Variants in SHOX observed in about 807,000 individuals in gnomAD.
SHOX encodes the protein SHOX homeobox, also known as short stature homeobox protein.
A neutral mutation model predicts 29.6 loss-of-function variants in SHOX; 12 were observed. The observed-to-expected ratio is 0.41, with a 90% CI of 0.26 to 0.66. SHOX has a LOEUF of 0.66. SHOX is among the 30% of genes least tolerant of loss of function. The pLI, the probability that SHOX is intolerant of heterozygous loss-of-function variation, is 0.35. For synonymous variants in SHOX, 214 were observed against 200.6 expected, an observed-to-expected ratio of 1.07 and a Z score of -0.57; for missense variants, 499 against 437.7, an observed-to-expected ratio of 1.14 and a Z score of -1.25.
Position 642,618 on chromosome X carries a change from C to G in SHOX, c.633+1531C>G, listed in dbSNP as rs1423170846. Among the ~76,000 whole-genome samples, 5 of 152,194 alleles carry G rather than the reference C, an allele frequency of 3.3e-5. No homozygotes were observed. In the East Asian group the frequency reaches 5.8e-4, roughly 18 times the overall value. The stretch of plus-strand genomic sequence containing the variant: ...TGGGGGAACGAGCCTACTTCTTGTA[C>G]CGTCTTTTGCCGACGGCGGGACCCA... On this transcript the variant is annotated intron_variant, in intron 4 of 4. Coordinates refer to ENST00000686671, the MANE Select transcript of SHOX (RefSeq NM_000451.4).
chrX:637,427 C>T (rs990911620), intron 2 of SHOX, among the ~76,000 whole-genome samples: 2 of 151,598 alleles, frequency 1.3e-5, no homozygotes, highest in East Asian at 3.9e-4. Context: ...CTATTACCGA[C>T]GAGAGCACGT....
rs138998412 is a variant in SHOX, at chrX:641,000, C to T, written c.546C>T (p.Gly182=). 3.0e-5 allele frequency: 48 copies of T among 1,613,682 alleles called. No homozygotes were observed. Among genetic ancestry groups the T allele is most frequent in the East Asian group, 6.7e-5 (3 of 44,882 alleles). The change falls in exon 4 of 5, where the codon GGC becomes GGT. Residue 182 remains glycine (G), a splice_region_variant and synonymous_variant. Transcript: ENST00000686671. Reference sequence around the variant, plus strand: ...GACACCTGCTCCCTTTGGACACAGGCGTCATCTTGGGCACAGCCAACCACC... The same window carrying T: ...GACACCTGCTCCCTTTGGACACAGGTGTCATCTTGGGCACAGCCAACCACC... The part of the protein sequence containing the change: ...CRKQENQMHK[G]VILGTANHLD...
intron 1 of SHOX, among the ~76,000 whole-genome samples, chrX:633,008 G>A (rs1377879331): frequency 6.6e-6 from 1 of 152,136 alleles, no homozygotes; most frequent in Non-Finnish European, 1.5e-5. Flanking sequence ...GAAAGTGAGA[G>A]GAAAATAAAG....
intron 1 of SHOX, among the ~76,000 whole-genome samples, chrX:634,169 C>T (rs1354280256): frequency 6.6e-6 from 1 of 152,200 alleles, no homozygotes. Context: ...TCCTGCGCTG[C>T]AGCGGTGGGG....
At chrX:652,624 G>A (rs1425833560), downstream of SHOX, among the ~76,000 whole-genome samples, 3 of 152,132 alleles carry the variant, frequency 2.0e-5, no homozygotes, top group South Asian at 2.1e-4. Context: ...TGTCTGTACC[G>A]TCCGTTCTTC....
rs1284755513 is a variant in SHOX at position 648,487 on chromosome X, G to T, written c.*3851G>T. ...GGTTGACCTGCCCGCTTTGTCCCTC[G>T]CAAAGTGCTGGGATTACAGGCGTGA... is the stretch of plus-strand genomic sequence containing the variant. On this transcript the variant is annotated 3_prime_UTR_variant, in exon 5 of 5. Transcript: ENST00000686671. 2.0e-5 allele frequency among the ~76,000 whole-genome samples: 3 copies of T among 152,028 alleles called. No individual in the cohort carries two copies. Among genetic ancestry groups the T allele is most frequent in the African/African-American group, 7.2e-5 (3 of 41,380 alleles).
chrX:639,406 G>A (rs186528676), intron 2 of SHOX, among the ~76,000 whole-genome samples: 15 of 146,042 alleles, frequency 1.0e-4, no homozygotes, highest in African/African-American at 3.1e-4. Flanking sequence ...AGACACTTCC[G>A]AGGAGGCCGA....
chrX:631,985 G>C (rs1382827887), intron 1 of SHOX: 8 of 455,986 alleles, frequency 1.8e-5, no homozygotes, highest in Non-Finnish European at 3.1e-5. Context: ...TCGAGGCTGC[G>C]TGGTAGGAGA....
rs189433473 is a variant in SHOX at position 638,522 on chromosome X, C to G, written c.487-2299C>G. 3.3e-5 allele frequency among the ~76,000 whole-genome samples: 5 copies of G among 152,178 alleles called. No individual in the cohort carries two copies. In the East Asian group the frequency reaches 9.7e-4, roughly 29 times the overall value. On this transcript the variant is annotated intron_variant, in intron 2 of 4. Transcript: ENST00000686671. Reference sequence around the variant, plus strand: ...TTTCGATGTCAGCACCAGGCAGGGGCCTTTTTGGCGGGGGTGTGAGGGAGG... The same window carrying G: ...TTTCGATGTCAGCACCAGGCAGGGGGCTTTTTGGCGGGGGTGTGAGGGAGG...
intron 4 of SHOX, 90 bp from the exon 5 acceptor site, chrX:644,301 A>G: frequency 7.1e-7 from 1 of 1,408,628 alleles, no homozygotes; most frequent in Non-Finnish European, 9.3e-7. Flanking sequence ...AGGGGAGAAG[A>G]GGCACGTTGG....
Position 649,853 on chromosome X carries a change from A to G in SHOX, c.*5217A>G. On this transcript the variant is annotated 3_prime_UTR_variant, in exon 5 of 5. Coordinates refer to ENST00000686671, the MANE Select transcript of SHOX (RefSeq NM_000451.4). ...GTCAGTCGCCGCAGTTGAGCAAAAAACACTTCTTCCTTTGAGTGGCTGTTC... is the reference window on the plus strand; with the variant it reads ...GTCAGTCGCCGCAGTTGAGCAAAAAGCACTTCTTCCTTTGAGTGGCTGTTC... 1 of 454,268 alleles carries G rather than the reference A, an allele frequency of 2.2e-6. No homozygotes were observed. The highest frequency in any genetic ancestry group is 4.4e-6 in the Non-Finnish European group (1 of 225,918). The allele number at this position is 454,268 out of a possible 1,614,324, so 28.1% of individuals were successfully genotyped here. A position where few individuals can be genotyped will look rare whatever the true frequency, so the allele number is the denominator to read the frequency against.
At chrX:625,831 CCTCT>C (rs764839663), upstream of SHOX, among the ~76,000 whole-genome samples, 9 of 139,678 alleles carry the variant, frequency 6.4e-5, no homozygotes, top group African/African-American at 9.2e-5. Context: ...CTCTTTCTCT[CCTCT>C]CTTTTTCTCT....
In SHOX at chrX:631,099, G is replaced by C; in HGVS notation, c.202G>C (p.Val68Leu). 1 of 1,613,742 alleles carries C rather than the reference G, an allele frequency of 6.2e-7. No homozygotes were observed. Among genetic ancestry groups the C allele is most frequent in the Non-Finnish European group, 8.5e-7 (1 of 1,179,860 alleles). The change falls in exon 1 of 5, where the codon GTG becomes CTG. Residue 68 changes from valine to leucine, a missense_variant. Coordinates refer to ENST00000686671, the MANE Select transcript of SHOX (RefSeq NM_000451.4). The part of the protein sequence containing the change: ...DITEGGGHCP[V>L]HLFKDHVDND... ...CACGGAGGGCGGCGGCCACTGCCCG[G>C]TGCATTTGTTCAAGGACCACGTAGA...
upstream of SHOX, among the ~76,000 whole-genome samples, chrX:630,307 A>T (rs28445092): frequency 2.0e-5 from 3 of 151,248 alleles, no homozygotes; most frequent in Non-Finnish European, 4.4e-5. Flanking sequence ...GGGCGCCCGG[A>T]TCCCCCCCTC....
At chrX:644,266 G>A (rs28630569) in intron 4 of SHOX, 125 bp from the exon 5 acceptor site, 69 of 1,245,876 alleles carry the variant, frequency 5.5e-5, no homozygotes, top group Non-Finnish European at 7.2e-5. Flanking sequence ...TGGTCTCCAC[G>A]GCTGGAGAAG....
At chrX:658,597 A>G (rs2053180703) in intron 5 of SHOX, among the ~76,000 whole-genome samples, 1 of 149,468 alleles carries the variant, frequency 6.7e-6, no homozygotes, top group Non-Finnish European at 1.5e-5. Context: ...CAGCCTCCCC[A>G]GTAGCTGGGA....
intron 2 of SHOX, among the ~76,000 whole-genome samples, chrX:638,728 A>C (rs1273754045): frequency 1.3e-5 from 2 of 152,132 alleles, no homozygotes; most frequent in African/African-American, 4.8e-5. Flanking sequence ...GGGTTTTCTG[A>C]GGTTCCCTTC....
In SHOX at chrX:649,888, C is replaced by A. The variant is rs1472003037; in HGVS notation, c.*5252C>A. 2 of 455,754 alleles carry A rather than the reference C, an allele frequency of 4.4e-6. No homozygotes were observed. Among genetic ancestry groups the A allele is most frequent in the Non-Finnish European group, 8.8e-6 (2 of 226,770 alleles). The allele number at this position is 455,754 out of a possible 1,614,324, so 28.2% of individuals were successfully genotyped here. ...CTTTGAGTGGCTGTTCTGGTGAAATCTGTTTCTGACATATCCACTTTTCTC... is the reference window on the plus strand; with the variant it reads ...CTTTGAGTGGCTGTTCTGGTGAAATATGTTTCTGACATATCCACTTTTCTC... On this transcript the variant is annotated 3_prime_UTR_variant, in exon 5 of 5. Transcript: ENST00000686671.
rs1274599055 is a variant in SHOX at position 650,167 on chromosome X, G to A, written c.*5531G>A. 6.6e-6 allele frequency among the ~76,000 whole-genome samples: 1 copy of A among 152,184 alleles called. No individual in the cohort carries two copies. Among genetic ancestry groups the A allele is most frequent in the Admixed American group, 6.5e-5 (1 of 15,276 alleles). On this transcript the variant is annotated 3_prime_UTR_variant, in exon 5 of 5. Coordinates refer to ENST00000686671, the MANE Select transcript of SHOX (RefSeq NM_000451.4). ...TCTCCAGCGCCGTGGATAAAGAGAT[G>A]GGACAGATTCTGTGCCTCTGTACGA...
Sources: gnomAD v4.1 joint callset for allele counts (sites outside exome capture counted in the v4.1 genomes callset) on GRCh38, gnomAD v4.1.1 for gene constraint, MANE v1.5 for transcripts, NCBI Gene and HGNC (gene_info 2026-07-23, HGNC 2026-07-21) for gene names.